The following MYO3A variants were observed in gnomAD, a reference collection of about 807,000 sequenced individuals.
The protein encoded by MYO3A is myosin-IIIa.
MYO3A carries 180 observed loss-of-function variants against 192.7 expected under a neutral mutation model. That is an observed-to-expected ratio of 0.93 (90% CI 0.83 to 1.06). The LOEUF (loss-of-function observed/expected upper bound fraction) is 1.06. Among genes scored for constraint, MYO3A ranks in the 50% least tolerant of loss-of-function variants. MYO3A has a pLI of 0.00. For missense variants in MYO3A, 1,896 were observed against 1,905.0 expected (o/e 1.00, Z 0.09); for synonymous variants, 628 against 645.3 (o/e 0.97, Z 0.41).
chr10:26,052,023 A>G (rs1844034569), intron 10 of MYO3A, among the ~76,000 whole-genome samples: 1 of 152,252 alleles, frequency 6.6e-6, no homozygotes, highest in African/African-American at 2.4e-5. Flanking sequence ...CAATAACATT[A>G]TAAGGTATAG....
chr10:25,944,409 C>T (rs1036018317), intron 2 of MYO3A, among the ~76,000 whole-genome samples: 1 of 152,010 alleles, frequency 6.6e-6, no homozygotes, highest in Non-Finnish European at 1.5e-5. Context: ...ATGCTGGCCT[C>T]ATAGTATGAG....
At chr10:26,033,267 G>A (rs1216018669) in intron 10 of MYO3A, among the ~76,000 whole-genome samples, 1 of 152,068 alleles carries the variant, frequency 6.6e-6, no homozygotes, top group Admixed American at 6.6e-5. Context: ...TTTTAGTAGA[G>A]ATGGGGTTTC....
intron 10 of MYO3A, among the ~76,000 whole-genome samples, chr10:26,049,836 C>T (rs1439290992): frequency 2.6e-5 from 4 of 151,812 alleles, no homozygotes; most frequent in Non-Finnish European, 4.4e-5. Flanking sequence ...CCACCGCGCT[C>T]AGCTAATTTT....
chr10:26,094,332 A>T (rs930049493), intron 15 of MYO3A, among the ~76,000 whole-genome samples: 56 of 152,014 alleles, frequency 3.7e-4, no homozygotes, highest in African/African-American at 1.3e-3. Flanking sequence ...ACTCCACTGC[A>T]TTATTGGAAG....
intron 20 of MYO3A, among the ~76,000 whole-genome samples, chr10:26,129,736 C>T (rs771734915): frequency 6.6e-6 from 1 of 152,198 alleles, no homozygotes; most frequent in Non-Finnish European, 1.5e-5. Context: ...TCTCACTAGG[C>T]ATCTCCTTTA....
At chr10:26,166,661 T>C (rs953041440) in intron 27 of MYO3A, among the ~76,000 whole-genome samples, 2 of 152,258 alleles carry the variant, frequency 1.3e-5, no homozygotes, top group Non-Finnish European at 2.9e-5. Flanking sequence ...AAAACAGATA[T>C]ATATTCTCTA....
At chr10:26,097,477 G>A (rs1837115124) in intron 17 of MYO3A, among the ~76,000 whole-genome samples, 1 of 151,974 alleles carries the variant, frequency 6.6e-6, no homozygotes, top group Admixed American at 6.6e-5. Flanking sequence ...ATGTTGGTGT[G>A]CTGCACACAT....
chr10:26,097,248 G>A (rs1837095804), intron 17 of MYO3A, among the ~76,000 whole-genome samples: 1 of 151,854 alleles, frequency 6.6e-6, no homozygotes, highest in African/African-American at 2.4e-5. Flanking sequence ...GCTTTTTCTG[G>A]ACACTTTACA....
intron 6 of MYO3A, 143 bp from the exon 7 acceptor site, chr10:26,016,677 G>A: frequency 1.3e-6 from 1 of 782,096 alleles, no homozygotes; most frequent in Non-Finnish European, 2.2e-6. Context: ...TCCTGATTTA[G>A]GATCCTTTAA....
chr10:26,092,702 T>C (rs1381118502), intron 15 of MYO3A, among the ~76,000 whole-genome samples: 1 of 152,168 alleles, frequency 6.6e-6, no homozygotes, highest in Non-Finnish European at 1.5e-5. Context: ...TGGAACTCAC[T>C]CTGAAGAAGT....
chr10:26,149,454 T>C (rs1326854033), intron 23 of MYO3A, among the ~76,000 whole-genome samples: 2 of 152,016 alleles, frequency 1.3e-5, no homozygotes, highest in African/African-American at 4.8e-5. Flanking sequence ...AAGCTGGTAT[T>C]GAGCTCCTGA....
intron 23 of MYO3A, among the ~76,000 whole-genome samples, chr10:26,149,890 A>G (rs1840699376): frequency 6.6e-6 from 1 of 152,120 alleles, no homozygotes; most frequent in Non-Finnish European, 1.5e-5. Context: ...CACCACAACT[A>G]CTAGTAACCA....
intron 15 of MYO3A, among the ~76,000 whole-genome samples, chr10:26,090,346 T>C (rs1030860189): frequency 6.6e-6 from 1 of 152,228 alleles, no homozygotes; most frequent in Non-Finnish European, 1.5e-5. Flanking sequence ...AATAATATCA[T>C]TAATGCTTAC....
At chr10:26,121,060 G>A (rs541069921) in intron 18 of MYO3A, among the ~76,000 whole-genome samples, 35 of 151,760 alleles carry the variant, frequency 2.3e-4, no homozygotes, top group African/African-American at 8.2e-4. Flanking sequence ...TTTACATTTC[G>A]ATATAAAAGC....
chr10:26,040,000 TA>T (rs1210406984), intron 10 of MYO3A, among the ~76,000 whole-genome samples: 1 of 152,038 alleles, frequency 6.6e-6, no homozygotes, highest in Non-Finnish European at 1.5e-5. Context: ...ATTTTTGATG[TA>T]AGCACTGATA....
At chr10:26,010,898 T>G (rs1841605542) in intron 6 of MYO3A, among the ~76,000 whole-genome samples, 2 of 152,242 alleles carry the variant, frequency 1.3e-5, no homozygotes, top group Non-Finnish European at 2.9e-5. Context: ...AATATTCCAT[T>G]TGCTAGAGAT....
intron 26 of MYO3A, among the ~76,000 whole-genome samples, chr10:26,158,546 C>T (rs751165009): frequency 5.9e-5 from 9 of 151,942 alleles, no homozygotes; most frequent in Non-Finnish European, 8.8e-5. Context: ...TGAGCCACTG[C>T]GCCCAGCCAA....
chr10:25,980,204 T>C (rs1203815390), intron 4 of MYO3A, among the ~76,000 whole-genome samples: 2 of 144,032 alleles, frequency 1.4e-5, no homozygotes, highest in Non-Finnish European at 3.0e-5. Flanking sequence ...ACCACTGCAC[T>C]CCAGCCTGGG....
At chr10:26,102,961 T>G (rs755002889) in intron 17 of MYO3A, among the ~76,000 whole-genome samples, 8 of 152,362 alleles carry the variant, frequency 5.3e-5, no homozygotes, top group Middle Eastern at 3.4e-3. Context: ...TGTAGAAGTT[T>G]CTGCTGTCTT....
Sources: gnomAD v4.1 joint callset for allele counts (sites outside exome capture counted in the v4.1 genomes callset) on GRCh38, gnomAD v4.1.1 for gene constraint, MANE v1.5 for transcripts, NCBI Gene and HGNC (gene_info 2026-07-23, HGNC 2026-07-21) for gene names.